Variants in FSIP1 observed in about 807,000 individuals in gnomAD.
FSIP1 encodes the protein fibrous sheath interacting protein 1.
Under a neutral mutation model 60.9 loss-of-function variants are expected in FSIP1, and 65 were observed. That is an observed-to-expected ratio of 1.07 (90% CI 0.87 to 1.31). The LOEUF is 1.31. Ranked by LOEUF, FSIP1 falls within the 40% of genes most tolerant of loss-of-function variation. The pLI, the probability that FSIP1 is intolerant of heterozygous loss-of-function variation, is 0.00. For missense variants in FSIP1, 675 were observed against 665.5 expected (o/e 1.01, Z -0.16); for synonymous variants, 209 against 221.2 (o/e 0.94, Z 0.49).
chr15:39,609,639 A>C (rs1304443068), intron 11 of FSIP1, among the ~76,000 whole-genome samples: 1 of 152,182 alleles, frequency 6.6e-6, no homozygotes, highest in East Asian at 1.9e-4. Context: ...GCCCATCCTG[A>C]ATGGCTGAGC....
At chr15:39,623,546 C>T (rs182595181) in intron 10 of FSIP1, among the ~76,000 whole-genome samples, 72 of 152,242 alleles carry the variant, frequency 4.7e-4, no homozygotes, top group Middle Eastern at 3.4e-3. Flanking sequence ...AACATTCCAC[C>T]GTTTGCTTAA....
chr15:39,754,477 G>A (rs925242752), intron 5 of FSIP1, among the ~76,000 whole-genome samples: 4 of 152,054 alleles, frequency 2.6e-5, no homozygotes, highest in Admixed American at 6.5e-5. Context: ...CCATGGAGGC[G>A]AGACTGAAAA....
Position 39,763,901 on chromosome 15 carries a change from CTA to C in FSIP1, c.477_478del (p.Tyr159Ter). 1 of 1,575,064 alleles carries C rather than the reference CTA, an allele frequency of 6.3e-7. No individual in the cohort carries two copies. Among genetic ancestry groups the C allele is most frequent in the Non-Finnish European group, 8.7e-7 (1 of 1,147,088 alleles). ...CTCCTCTTTACTTTGCCAAGCTTCA[CTA>C]TATTTTGCAGACTAATGAAAGGAAA... On this transcript the variant is annotated stop_gained and frameshift_variant, in exon 5 of 12. Coordinates refer to ENST00000350221, the MANE Select transcript of FSIP1 (RefSeq NM_152597.5). LOFTEE classifies it high-confidence loss of function.
At chr15:39,679,105 T>C (rs1037524090) in intron 10 of FSIP1, among the ~76,000 whole-genome samples, 2 of 152,214 alleles carry the variant, frequency 1.3e-5, no homozygotes, top group African/African-American at 4.8e-5. Context: ...GTTTTTCTCT[T>C]TGTTAATTAA....
chr15:39,601,936 G>A lies in FSIP1; in HGVS notation c.1700-1010C>T, dbSNP rs570414675. Among the ~76,000 whole-genome samples, 9 of 152,226 alleles carry A rather than the reference G, an allele frequency of 5.9e-5. No individual in the cohort carries two copies. The South Asian group carries it at 1.0e-3, about 18-fold the overall frequency. ...CTAATACCCAAAATGTTGCGTTGTC[G>A]GGGGTGGAAAAAATAAAAAATTGAT... On this transcript the variant is annotated intron_variant, in intron 11 of 11. Transcript: ENST00000350221.
intron 10 of FSIP1, among the ~76,000 whole-genome samples, chr15:39,642,883 A>T (rs1050915523): frequency 6.6e-6 from 1 of 152,214 alleles, no homozygotes; most frequent in African/African-American, 2.4e-5. Flanking sequence ...ATCATTGAGC[A>T]TATCTCTAAA....
At chr15:39,601,149 G>A (rs888107178) in intron 11 of FSIP1, among the ~76,000 whole-genome samples, 6 of 152,218 alleles carry the variant, frequency 3.9e-5, no homozygotes, top group East Asian at 3.8e-4. Context: ...AGCTCAGGGA[G>A]AACACTACAG....
At chr15:39,623,202 T>C (rs1891508306) in intron 10 of FSIP1, among the ~76,000 whole-genome samples, 2 of 152,288 alleles carry the variant, frequency 1.3e-5, no homozygotes, top group East Asian at 1.9e-4. Context: ...CTATGCTATA[T>C]ATCCGGAGTT....
intron 10 of FSIP1, among the ~76,000 whole-genome samples, chr15:39,649,015 T>C (rs1408341098): frequency 2.6e-5 from 4 of 152,094 alleles, no homozygotes; most frequent in African/African-American, 4.8e-5. Flanking sequence ...GAAATCTTTA[T>C]CCAGCCTAAG....
intron 11 of FSIP1, among the ~76,000 whole-genome samples, chr15:39,604,777 T>C (rs1037390874): frequency 6.6e-6 from 1 of 152,158 alleles, no homozygotes; most frequent in Non-Finnish European, 1.5e-5. Context: ...CACACCCTGT[T>C]TGAGACAAAC....
chr15:39,639,543 T>C (rs1328281638), intron 10 of FSIP1, among the ~76,000 whole-genome samples: 2 of 152,196 alleles, frequency 1.3e-5, no homozygotes, highest in African/African-American at 4.8e-5. Context: ...CTACATACAA[T>C]ATATTTTGTA....
chr15:39,779,443 C>A (rs192606605), intron 1 of FSIP1, among the ~76,000 whole-genome samples: 1 of 152,186 alleles, frequency 6.6e-6, no homozygotes, highest in Admixed American at 6.5e-5. Flanking sequence ...CTAAAGAATT[C>A]ATTTATTATA....
At position 39,713,365 on chromosome 15, in the gene FSIP1, G is replaced by A. The variant is rs557503503; in HGVS notation, c.1188+79C>T. 25 of 1,366,322 alleles carry A rather than the reference G, an allele frequency of 1.8e-5. No homozygotes were observed. In the East Asian group the frequency reaches 2.0e-4, roughly 11 times the overall value. 84.6% of individuals were successfully genotyped at this position (1,366,322 alleles called of 1,614,324 possible). A position where few individuals can be genotyped will look rare whatever the true frequency, so the allele number is the denominator to read the frequency against. Reference sequence around the variant, plus strand: ...GCAGGTCACTTGAGCCCAGAAGTTCGAGACCAGCCTGGGCAACATAGTGAG... The same window carrying A: ...GCAGGTCACTTGAGCCCAGAAGTTCAAGACCAGCCTGGGCAACATAGTGAG... On this transcript the variant is annotated intron_variant, in intron 10 of 11. Coordinates refer to ENST00000350221, the MANE Select transcript of FSIP1 (RefSeq NM_152597.5).
intron 4 of FSIP1, 94 bp from the exon 5 acceptor site, chr15:39,764,008 G>A (rs1454776053): frequency 1.5e-5 from 10 of 685,540 alleles, no homozygotes; most frequent in East Asian, 2.5e-5. Context: ...AATCACATAC[G>A]TACAAACGAG....
At chr15:39,689,661 T>C (rs2043838479) in intron 10 of FSIP1, among the ~76,000 whole-genome samples, 1 of 152,230 alleles carries the variant, frequency 6.6e-6, no homozygotes, top group South Asian at 2.1e-4. Context: ...AGGAATTCTG[T>C]GCCAGGAACT....
At chr15:39,637,655 C>G (rs1892190985) in intron 10 of FSIP1, among the ~76,000 whole-genome samples, 1 of 152,154 alleles carries the variant, frequency 6.6e-6, no homozygotes, top group African/African-American at 2.4e-5. Flanking sequence ...TAGCACATGT[C>G]CTGTAGCCAA....
intron 11 of FSIP1, among the ~76,000 whole-genome samples, chr15:39,601,639 G>T (rs1275887055): frequency 2.0e-5 from 3 of 152,184 alleles, no homozygotes; most frequent in Non-Finnish European, 4.4e-5. Flanking sequence ...CCAAAAAGTG[G>T]AAACAACCCA....
chr15:39,748,153 A>G (rs183863563), intron 5 of FSIP1, among the ~76,000 whole-genome samples: 10 of 151,994 alleles, frequency 6.6e-5, no homozygotes, highest in South Asian at 2.1e-4. Flanking sequence ...ATGTTAATAT[A>G]CTCTTTCTTC....
At chr15:39,779,709 G>A (rs1018952936) in intron 1 of FSIP1, among the ~76,000 whole-genome samples, 1 of 152,170 alleles carries the variant, frequency 6.6e-6, no homozygotes, top group African/African-American at 2.4e-5. Context: ...ATTCTAAACT[G>A]TAACAAGTGC....
Sources: allele counts gnomAD v4.1 joint callset (sites outside exome capture counted in the v4.1 genomes callset), GRCh38; gene constraint gnomAD v4.1.1; transcripts MANE v1.5; gene names NCBI Gene and HGNC (gene_info 2026-07-23, HGNC 2026-07-21).